The following CKMT2 variants were observed in gnomAD, a reference collection of about 807,000 sequenced individuals.
The protein encoded by CKMT2 is creatine kinase, mitochondrial 2.
A neutral mutation model predicts 48.9 loss-of-function variants in CKMT2; 43 were observed. The ratio of observed to expected loss-of-function variants is 0.88; its 90% CI spans 0.69 to 1.13. The LOEUF (loss-of-function observed/expected upper bound fraction) is 1.13, where lower values mean the gene tolerates loss of function less well. Among genes scored for constraint, CKMT2 ranks in the 50% most tolerant of loss-of-function variants. The pLI, the probability that CKMT2 is intolerant of heterozygous loss-of-function variation, is 0.00. For missense variants in CKMT2, 472 were observed against 555.4 expected, an observed-to-expected ratio of 0.85 and a Z score of 1.51; for synonymous variants, 206 against 213.0, an observed-to-expected ratio of 0.97 and a Z score of 0.29.
At chr5:81,239,541 A>T (rs1398574954) in intron 1 of CKMT2, among the ~76,000 whole-genome samples, 1 of 152,164 alleles carries the variant, frequency 6.6e-6, no homozygotes, top group Non-Finnish European at 1.5e-5. Flanking sequence ...ACTGATGCAC[A>T]TGGGTGTGCA....
intron 5 of CKMT2, among the ~76,000 whole-genome samples, chr5:81,255,787 G>A (rs1756986873): frequency 6.7e-6 from 1 of 149,172 alleles, no homozygotes; most frequent in Non-Finnish European, 1.5e-5. Flanking sequence ...GCTAAAACAA[G>A]ATGGCATTTT....
At chr5:81,263,446 C>A (rs975143231) in intron 8 of CKMT2, 45 bp from the exon 9 acceptor site, 5 of 1,450,754 alleles carry the variant, frequency 3.4e-6, no homozygotes, top group Non-Finnish European at 4.6e-6. Context: ...GATTATGAAT[C>A]AATTTTGCCT....
rs1757036862 is a variant in CKMT2, at chr5:81,257,075, G to T, written c.755+75G>T. The T allele has an allele frequency of 1.1e-5, 14 of 1,238,076 alleles. No individual in the cohort carries two copies. In the South Asian group the frequency reaches 1.7e-4, roughly 15 times the overall value. The allele number at this position is 1,238,076 out of a possible 1,614,324, so 76.7% of individuals were successfully genotyped here. A position where few individuals can be genotyped will look rare whatever the true frequency, so the allele number is the denominator to read the frequency against. On this transcript the variant is annotated intron_variant, in intron 6 of 9. Coordinates refer to ENST00000254035, the MANE Select transcript of CKMT2 (RefSeq NM_001099735.2). ...GAGATCACCTGCTTATCCTAACCTG[G>T]AGTTGCTGTGTACTGCAGTTGACAG...
chr5:81,265,294 G>A (rs1757349980), intron 9 of CKMT2, among the ~76,000 whole-genome samples: 1 of 152,176 alleles, frequency 6.6e-6, no homozygotes, highest in African/African-American at 2.4e-5. Flanking sequence ...CTAACATTCT[G>A]ATTCAACCCT....
At chr5:81,234,609 G>A (rs1191292224) in intron 1 of CKMT2, among the ~76,000 whole-genome samples, 1 of 152,142 alleles carries the variant, frequency 6.6e-6, no homozygotes, top group East Asian at 1.9e-4. Context: ...AGTTAATCAC[G>A]CCTGTGGGTT....
intron 1 of CKMT2, among the ~76,000 whole-genome samples, chr5:81,233,716 C>T (rs1756172906): frequency 6.6e-6 from 1 of 152,188 alleles, no homozygotes; most frequent in African/African-American, 2.4e-5. Context: ...TTTGGGACAA[C>T]TTTAAACTTA....
At chr5:81,260,793 G>C (rs1460871890) in intron 8 of CKMT2, among the ~76,000 whole-genome samples, 1 of 152,172 alleles carries the variant, frequency 6.6e-6, no homozygotes, top group African/African-American at 2.4e-5. Flanking sequence ...GGTACAAAGA[G>C]GAGCTGGTAC....
chr5:81,243,455 T>G (rs1350655351), intron 1 of CKMT2, among the ~76,000 whole-genome samples: 1 of 152,158 alleles, frequency 6.6e-6, no homozygotes. Flanking sequence ...TTTGTTGCAT[T>G]AGCACAAAAT....
intron 1 of CKMT2, among the ~76,000 whole-genome samples, chr5:81,248,319 T>C (rs1756680331): frequency 6.6e-6 from 1 of 152,240 alleles, no homozygotes; most frequent in South Asian, 2.1e-4. Context: ...TTTAGGCCCA[T>C]ACTGCCTGGA....
At chr5:81,261,078 A>G (rs1458055456) in intron 8 of CKMT2, among the ~76,000 whole-genome samples, 3 of 152,204 alleles carry the variant, frequency 2.0e-5, no homozygotes. Flanking sequence ...AAATCAATAA[A>G]CGTAAACCAT....
chr5:81,261,212 T>G (rs1218584152), intron 8 of CKMT2, among the ~76,000 whole-genome samples: 4 of 152,180 alleles, frequency 2.6e-5, no homozygotes, highest in Non-Finnish European at 4.4e-5. Context: ...TGATGGAACA[T>G]ATCTCAAAAT....
At chr5:81,258,009 C>T in intron 7 of CKMT2, 153 bp downstream of exon 7, 1 of 612,998 alleles carries the variant, frequency 1.6e-6, no homozygotes, top group East Asian at 3.2e-5. Context: ...AAGTGATTAT[C>T]CCGCCTCAGC....
At chr5:81,246,325 C>T (rs1218218511) in intron 1 of CKMT2, among the ~76,000 whole-genome samples, 1 of 151,986 alleles carries the variant, frequency 6.6e-6, no homozygotes, top group Non-Finnish European at 1.5e-5. Context: ...TGATTTGCTC[C>T]CTGTGCTTCA....
chr5:81,242,461 C>G (rs892284576), intron 1 of CKMT2: 3 of 509,820 alleles, frequency 5.9e-6, no homozygotes, highest in East Asian at 4.9e-5. Flanking sequence ...TTACAGAGGT[C>G]GCCTACTCAT....
At position 81,255,309 on chromosome 5, in the gene CKMT2, C is replaced by A. The variant is rs917863966; in HGVS notation, c.669+95C>A. The A allele has an allele frequency of 2.6e-6, 3 of 1,138,042 alleles. No individual in the cohort carries two copies. The African/African-American group carries it at 4.7e-5, about 18-fold the overall frequency. The allele number at this position is 1,138,042 out of a possible 1,614,324, so 70.5% of individuals were successfully genotyped here. On this transcript the variant is annotated intron_variant, in intron 5 of 9. Transcript: ENST00000254035. Reference sequence around the variant, plus strand: ...CCTGGTGCTCTGCTCAGTCCTTACCCTAGCTGGGAGCTTGCTGGGCTCCAC... The same window carrying A: ...CCTGGTGCTCTGCTCAGTCCTTACCATAGCTGGGAGCTTGCTGGGCTCCAC...
At chr5:81,241,377 T>G (rs900338863) in intron 1 of CKMT2, among the ~76,000 whole-genome samples, 4 of 152,204 alleles carry the variant, frequency 2.6e-5, no homozygotes, top group Non-Finnish European at 5.9e-5. Flanking sequence ...TGTATATAAA[T>G]CTTTTTAAAA....
intron 4 of CKMT2, 176 bp downstream of exon 4, chr5:81,254,667 G>A (rs991959994): frequency 3.3e-6 from 2 of 606,706 alleles, no homozygotes; most frequent in Non-Finnish European, 5.8e-6. Context: ...GGGTCCGAAA[G>A]TCTGTTTTCT....
chr5:81,261,486 A>C (rs1413859886), intron 8 of CKMT2, among the ~76,000 whole-genome samples: 4 of 152,236 alleles, frequency 2.6e-5, no homozygotes, highest in Non-Finnish European at 4.4e-5. Flanking sequence ...TTAAGTTGAT[A>C]AGCAACTTCA....
chr5:81,234,017 TAA>T (rs1756180120), intron 1 of CKMT2, among the ~76,000 whole-genome samples: 2 of 105,780 alleles, frequency 1.9e-5, no homozygotes, highest in Non-Finnish European at 3.6e-5. Flanking sequence ...CACCGGAGGT[TAA>T]TTAAAAAAAA....
Sources: gnomAD v4.1 joint callset for allele counts (sites outside exome capture counted in the v4.1 genomes callset) on GRCh38, gnomAD v4.1.1 for gene constraint, MANE v1.5 for transcripts, NCBI Gene and HGNC (gene_info 2026-07-23, HGNC 2026-07-21) for gene names.